Variants in ANK3 observed in about 807,000 individuals in gnomAD.
ANK3 encodes ankyrin 3, also known as ankyrin-3.
A neutral mutation model predicts 370.9 loss-of-function variants in ANK3; 57 were observed. That is an observed-to-expected ratio of 0.15 (90% CI 0.12 to 0.19). The LOEUF (loss-of-function observed/expected upper bound fraction) is 0.19. Ranked by LOEUF, ANK3 falls within the 10% of genes least tolerant of loss-of-function variation. The pLI is 1.00. For synonymous variants in ANK3, 1,929 were observed against 1,946.3 expected (o/e 0.99, Z 0.23); for missense variants, 4,439 against 5,302.1 (o/e 0.84, Z 5.06).
At chr10:60,721,261 G>A (rs2132024945) in intron 1 of ANK3, among the ~76,000 whole-genome samples, 1 of 152,302 alleles carries the variant, frequency 6.6e-6, no homozygotes, top group South Asian at 2.1e-4. Context: ...ACTTGAGCTT[G>A]TCTTGAAGGA....
At chr10:60,057,002 G>T (rs940098294) in intron 41 of ANK3, among the ~76,000 whole-genome samples, 3 of 152,210 alleles carry the variant, frequency 2.0e-5, no homozygotes, top group Admixed American at 6.5e-5. Context: ...AAAAAATTGC[G>T]CCCTGTCTCC....
chr10:60,037,080 C>T (rs1425609763), intron 43 of ANK3, among the ~76,000 whole-genome samples: 4 of 152,146 alleles, frequency 2.6e-5, no homozygotes, highest in Admixed American at 2.6e-4. Flanking sequence ...TCATTTTTGA[C>T]TCAATGATTC....
chr10:60,353,117 G>C (rs2057160960), intron 1 of ANK3, among the ~76,000 whole-genome samples: 1 of 151,576 alleles, frequency 6.6e-6, no homozygotes, highest in South Asian at 2.1e-4. Flanking sequence ...CAAATAGCTG[G>C]GGCTAAAGGT....
chr10:60,652,177 G>A (rs2078797935), intron 1 of ANK3, among the ~76,000 whole-genome samples: 1 of 152,048 alleles, frequency 6.6e-6, no homozygotes, highest in South Asian at 2.1e-4. Flanking sequence ...AGTAATCCCA[G>A]GTGGGAGCAT....
rs1009860470 is a variant in ANK3, at chr10:60,064,041, C to T, written c.12451+116G>A. 3.0e-6 allele frequency: 3 copies of T among 987,922 alleles called. No homozygotes were observed. The African/African-American group carries it at 5.2e-5, about 17-fold the overall frequency. The allele number at this position is 987,922 out of a possible 1,614,324, so 61.2% of individuals were successfully genotyped here. On this transcript the variant is annotated intron_variant, in intron 39 of 43. Coordinates refer to ENST00000280772, the MANE Select transcript of ANK3 (RefSeq NM_020987.5). ...TATTACCTCATGATCACTTAGTTTT[C>T]TATATTAAAGATTACAGAAAATTAC...
At chr10:60,708,999 A>G (rs2079660365) in intron 1 of ANK3, among the ~76,000 whole-genome samples, 1 of 152,222 alleles carries the variant, frequency 6.6e-6, no homozygotes, top group Admixed American at 6.5e-5. Context: ...TAGCAAGATA[A>G]ACACAAAACC....
At chr10:60,215,938 C>G (rs1052203269) in intron 8 of ANK3, among the ~76,000 whole-genome samples, 1 of 152,094 alleles carries the variant, frequency 6.6e-6, no homozygotes, top group Non-Finnish European at 1.5e-5. Flanking sequence ...TTATTTTGGG[C>G]AGTATGGCCA....
intron 2 of ANK3, among the ~76,000 whole-genome samples, chr10:60,503,735 C>T (rs994724301): frequency 6.6e-6 from 1 of 152,150 alleles, no homozygotes; most frequent in African/African-American, 2.4e-5. Flanking sequence ...TTGAAGTTCT[C>T]CACTTCTACA....
intron 1 of ANK3, among the ~76,000 whole-genome samples, chr10:60,336,774 C>A (rs1034706902): frequency 1.3e-5 from 2 of 152,138 alleles, no homozygotes; most frequent in Admixed American, 6.6e-5. Context: ...CTAGCTCAGA[C>A]CCCTTTGAAG....
chr10:60,279,220 C>T, intron 2 of ANK3, 72 bp from the exon 3 acceptor site: 1 of 1,302,676 alleles, frequency 7.7e-7, no homozygotes, highest in Non-Finnish European at 1.1e-6. Flanking sequence ...ACCAAGAACT[C>T]CTGAGATATT....
chr10:60,528,133 TC>T (rs2076518458), intron 2 of ANK3, among the ~76,000 whole-genome samples: 2 of 95,374 alleles, frequency 2.1e-5, no homozygotes, highest in Non-Finnish European at 4.6e-5. Context: ...CTTTTCTTCT[TC>T]TTCTTTTTTT....
At chr10:60,415,921 C>CA (rs1452748317) in intron 2 of ANK3, among the ~76,000 whole-genome samples, 1 of 111,964 alleles carries the variant, frequency 8.9e-6, no homozygotes, top group Non-Finnish European at 1.9e-5. Flanking sequence ...TTTGTGCCCC[C>CA]CACCCCCCCG....
At chr10:60,603,362 G>A (rs1343913762) in intron 2 of ANK3, among the ~76,000 whole-genome samples, 1 of 152,048 alleles carries the variant, frequency 6.6e-6, no homozygotes, top group Non-Finnish European at 1.5e-5. Flanking sequence ...CCTAAAATGT[G>A]AGTGTGGCAT....
intron 2 of ANK3, among the ~76,000 whole-genome samples, chr10:60,600,944 A>C (rs1426699481): frequency 6.6e-6 from 1 of 152,180 alleles, no homozygotes; most frequent in Non-Finnish European, 1.5e-5. Flanking sequence ...GCCAAAAATA[A>C]ACTAGAAACA....
At chr10:60,386,471 A>G (rs1355081122) in intron 1 of ANK3, among the ~76,000 whole-genome samples, 1 of 151,696 alleles carries the variant, frequency 6.6e-6, no homozygotes, top group African/African-American at 2.4e-5. Context: ...TACTTAAGTT[A>G]TGTCAAGAAT....
At chr10:60,715,086 G>C (rs1206574876) in intron 1 of ANK3, among the ~76,000 whole-genome samples, 3 of 152,064 alleles carry the variant, frequency 2.0e-5, no homozygotes, top group African/African-American at 7.2e-5. Context: ...GGTTAGGGGA[G>C]GTGGGATATA....
intron 2 of ANK3, chr10:60,572,597 CAA>C (rs778856528): frequency 2.2e-5 from 34 of 1,520,354 alleles, no homozygotes; most frequent in Non-Finnish European, 2.6e-5. Context: ...AAAACCACGG[CAA>C]AGAGTCAAAG....
chr10:60,192,002 G>A (rs958758033), intron 16 of ANK3, among the ~76,000 whole-genome samples: 3 of 151,976 alleles, frequency 2.0e-5, no homozygotes, highest in Non-Finnish European at 2.9e-5. Context: ...TCTGCCTCCC[G>A]GGTTTCAGTG....
Position 60,069,068 on chromosome 10 carries a change from G to A in ANK3, c.11813C>T (p.Pro3938Leu). ...AAGCTGTTTGGCCTTGCCTTTCTCT[G>A]GCTGCCCTTGCTTTTGTGTGGCACA... is the stretch of plus-strand genomic sequence containing the variant. The part of the protein sequence containing the change: ...KACATQKQGQ[P>L]EKGKAKQLPS... Residue 3938 changes from proline (P) to leucine (L), a missense_variant, in exon 37 of 44, where the codon CCA (proline) becomes CTA (leucine). Physicochemically the swap from Pro to Leu is moderately conservative, Grantham distance 98. Transcript: ENST00000280772. The A allele has an allele frequency of 6.2e-7, 1 of 1,614,060 alleles. No homozygotes were observed. Among genetic ancestry groups the A allele is most frequent in the Non-Finnish European group, 8.5e-7 (1 of 1,180,002 alleles).
Sources: gnomAD v4.1 joint callset for allele counts (sites outside exome capture counted in the v4.1 genomes callset) on GRCh38, gnomAD v4.1.1 for gene constraint, MANE v1.5 for transcripts, NCBI Gene and HGNC (gene_info 2026-07-23, HGNC 2026-07-21) for gene names.